STAB2: variants seen among roughly 807,000 people sequenced by gnomAD.
The protein encoded by STAB2 is stabilin-2.
Under a neutral mutation model 338.1 loss-of-function variants are expected in STAB2, and 288 were observed. The observed-to-expected ratio is 0.85, with a 90% CI of 0.77 to 0.94. The LOEUF (loss-of-function observed/expected upper bound fraction) is 0.94, where lower values mean the gene tolerates loss of function less well. STAB2 is among the 40% of genes least tolerant of loss of function. The probability of loss-of-function intolerance (pLI) is 0.00; values close to 1 mark genes in which losing one functional copy is unlikely to be tolerated. For missense variants in STAB2, 3,141 were observed against 3,210.1 expected, an observed-to-expected ratio of 0.98 and a Z score of 0.52; for synonymous variants, 1,202 against 1,193.3, an observed-to-expected ratio of 1.01 and a Z score of -0.15.
At chr12:103,622,808 C>G (rs892794407) in intron 5 of STAB2, among the ~76,000 whole-genome samples, 4 of 152,212 alleles carry the variant, frequency 2.6e-5, no homozygotes, top group Non-Finnish European at 4.4e-5. Context: ...TCTAGGATTC[C>G]ACCACTGCCT....
At chr12:103,621,383 G>A (rs1432286454) in intron 4 of STAB2, among the ~76,000 whole-genome samples, 3 of 151,936 alleles carry the variant, frequency 2.0e-5, no homozygotes, top group Admixed American at 6.6e-5. Flanking sequence ...CAAGCCCTGG[G>A]GGATTTAAAT....
chr12:103,619,960 G>A (rs1957272778), intron 3 of STAB2, among the ~76,000 whole-genome samples: 1 of 152,050 alleles, frequency 6.6e-6, no homozygotes, highest in African/African-American at 2.4e-5. Context: ...CCTCCTCAGG[G>A]ATGTCTCTCG....
intron 46 of STAB2, 80 bp downstream of exon 46, chr12:103,726,243 C>T (rs1295608884): frequency 1.3e-6 from 2 of 1,487,110 alleles, no homozygotes; most frequent in East Asian, 2.3e-5. Flanking sequence ...AATTCCAACA[C>T]TTTGGGAGGC....
intron 43 of STAB2, among the ~76,000 whole-genome samples, chr12:103,716,776 T>C (rs1234540002): frequency 6.6e-6 from 1 of 152,232 alleles, no homozygotes; most frequent in Non-Finnish European, 1.5e-5. Flanking sequence ...AAACTACATA[T>C]GAGGTAGGAG....
At chr12:103,729,065 G>A in intron 48 of STAB2, 70 bp downstream of exon 48, 1 of 1,494,050 alleles carries the variant, frequency 6.7e-7, no homozygotes, top group Non-Finnish European at 9.3e-7. Flanking sequence ...GGATGGAGCT[G>A]GAGGCCATCA....
chr12:103,757,681 A>C (rs1884235357), intron 63 of STAB2, among the ~76,000 whole-genome samples: 1 of 152,258 alleles, frequency 6.6e-6, no homozygotes, highest in African/African-American at 2.4e-5. Context: ...GGAACAGTCC[A>C]ACAAAGGATG....
intron 17 of STAB2, among the ~76,000 whole-genome samples, chr12:103,661,131 A>G (rs770717596): frequency 3.3e-5 from 5 of 151,278 alleles, no homozygotes; most frequent in African/African-American, 1.2e-4. Flanking sequence ...TCTTCAGGCC[A>G]GGAGGTCCTC....
At chr12:103,757,030 T>TAA (rs1555254882) in intron 63 of STAB2, among the ~76,000 whole-genome samples, 32 of 143,058 alleles carry the variant, frequency 2.2e-4, no homozygotes, top group East Asian at 4.1e-4. Context: ...TATATATATA[T>TAA]AAAATATATA....
At position 103,766,285 on chromosome 12, in the gene STAB2, G is replaced by A. The variant is rs1415223230; in HGVS notation, c.7606-1G>A. On this transcript the variant is annotated splice_acceptor_variant, in intron 68 of 68. Transcript: ENST00000388887. LOFTEE classifies it high-confidence loss of function. Reference sequence around the variant, plus strand: ...CCCCCTTACAACCCTCTCTTTTCCAGGACTCTGAAGAACGGCAGCTTGAGG... The same window carrying A: ...CCCCCTTACAACCCTCTCTTTTCCAAGACTCTGAAGAACGGCAGCTTGAGG... The A allele has an allele frequency of 6.2e-7, 1 of 1,614,108 alleles. No individual in the cohort carries two copies. The highest frequency in any genetic ancestry group is 1.1e-5 in the South Asian group (1 of 91,082).
intron 10 of STAB2, among the ~76,000 whole-genome samples, chr12:103,649,963 G>A (rs570069715): frequency 2.6e-5 from 4 of 152,188 alleles, no homozygotes; most frequent in Admixed American, 6.5e-5. Context: ...CTGTCCTGTC[G>A]TCCCAGCTTC....
At chr12:103,688,130 C>T (rs768723601) in intron 27 of STAB2, 38 bp from the exon 28 acceptor site, 2 of 1,592,588 alleles carry the variant, frequency 1.3e-6, no homozygotes, top group East Asian at 4.5e-5. Context: ...TGTGTTCTCT[C>T]CCATCTCTTC....
chr12:103,637,002 A>G (rs1565976380), intron 6 of STAB2, 109 bp from the exon 7 acceptor site: 13 of 1,248,852 alleles, frequency 1.0e-5, no homozygotes, highest in Non-Finnish European at 1.4e-5. Flanking sequence ...TTTTTAAATT[A>G]TTACAATGAG....
At chr12:103,736,981 C>T (rs1300244874) in intron 52 of STAB2, among the ~76,000 whole-genome samples, 1 of 152,168 alleles carries the variant, frequency 6.6e-6, no homozygotes, top group African/African-American at 2.4e-5. Flanking sequence ...ATCTCCAAAG[C>T]CCAGTTGATT....
rs1881249265 is a variant in STAB2, at chr12:103,726,879, AAG to A, written c.4852-387_4852-386del. On this transcript the variant is annotated intron_variant, in intron 46 of 68. Coordinates refer to ENST00000388887, the MANE Select transcript of STAB2 (RefSeq NM_017564.10). ...TTGCAAGAAGACAATTATAACAGTT[AAG>A]TATATCAACTCACGTTTTATGTTTG... Among the ~76,000 whole-genome samples the A allele has an allele frequency of 3.3e-5, 5 of 152,216 alleles. 1 individual carries two copies. In the South Asian group the frequency reaches 1.0e-3, roughly 32 times the overall value.
chr12:103,610,536 G>C (rs7965984), intron 3 of STAB2, among the ~76,000 whole-genome samples: 49,006 of 151,782 alleles, frequency 0.32, 10,042 homozygotes, highest in African/African-American at 0.58. Context: ...TGGTGATATC[G>C]CCTTTATCAT....
chr12:103,743,112 T>A (rs1882724614), intron 56 of STAB2, among the ~76,000 whole-genome samples: 1 of 148,886 alleles, frequency 6.7e-6, no homozygotes, highest in Admixed American at 6.9e-5. Context: ...AACCTCTGCC[T>A]CCCAGGTTCA....
At chr12:103,672,586 A>G (rs1875918851) in intron 22 of STAB2, among the ~76,000 whole-genome samples, 1 of 152,170 alleles carries the variant, frequency 6.6e-6, no homozygotes, top group East Asian at 1.9e-4. Context: ...GATGGCTCCA[A>G]GCACCCACAC....
At chr12:103,609,340 G>C (rs1410270953) in intron 3 of STAB2, among the ~76,000 whole-genome samples, 1 of 152,156 alleles carries the variant, frequency 6.6e-6, no homozygotes, top group African/African-American at 2.4e-5. Context: ...TCTTCCATTT[G>C]TTCGTATCCT....
intron 3 of STAB2, among the ~76,000 whole-genome samples, chr12:103,598,415 GA>G (rs1212022532): frequency 6.6e-6 from 1 of 152,186 alleles, no homozygotes; most frequent in Non-Finnish European, 1.5e-5. Flanking sequence ...CAGGATGCAA[GA>G]GACCACCAGA....
Sources: gnomAD v4.1 joint callset for allele counts (sites outside exome capture counted in the v4.1 genomes callset) on GRCh38, gnomAD v4.1.1 for gene constraint, MANE v1.5 for transcripts, NCBI Gene and HGNC (gene_info 2026-07-23, HGNC 2026-07-21) for gene names.